Variants in ULK4 observed in about 807,000 individuals in gnomAD.
The protein encoded by ULK4 is inactive serine/threonine-protein kinase ULK4.
Under a neutral mutation model 160.6 loss-of-function variants are expected in ULK4, and 133 were observed. That is an observed-to-expected ratio of 0.83 (90% CI 0.72 to 0.96). The LOEUF is 0.96. ULK4 is among the 40% of genes least tolerant of loss of function. ULK4 has a pLI of 0.00. For synonymous variants in ULK4, 534 were observed against 539.8 expected (o/e 0.99, Z 0.15); for missense variants, 1,580 against 1,499.5 (o/e 1.05, Z -0.89).
Position 41,273,889 on chromosome 3 carries a change from C to G in ULK4, c.3679-24315G>C, listed in dbSNP as rs1310919991. On this transcript the variant is annotated intron_variant, in intron 35 of 36. Transcript: ENST00000301831. ...CTCTCTTCACATATGTCTGCTTCCT[C>G]CTTGACCTTCTATACCATGTTGTGA... is the stretch of plus-strand genomic sequence containing the variant. Among the ~76,000 whole-genome samples, 28 of 152,120 alleles carry G rather than the reference C, an allele frequency of 1.8e-4. 1 individual carries two copies. The highest frequency in any genetic ancestry group is 1.8e-3 in the Admixed American group (28 of 15,272).
rs2083073914 is a variant in ULK4 at position 41,437,984 on chromosome 3, G to T, written c.3492+17513C>A. ...CTTGGTGCTCTGGGGATGGGGAACTGGTGGGAAGAGCTGTGCCTCAACTCT... is the reference window on the plus strand; with the variant it reads ...CTTGGTGCTCTGGGGATGGGGAACTTGTGGGAAGAGCTGTGCCTCAACTCT... On this transcript the variant is annotated intron_variant, in intron 34 of 36. Coordinates refer to ENST00000301831, the MANE Select transcript of ULK4 (RefSeq NM_017886.4). 5.9e-5 allele frequency among the ~76,000 whole-genome samples: 9 copies of T among 152,122 alleles called. No homozygotes were observed. The South Asian group carries it at 1.7e-3, about 28-fold the overall frequency.
chr3:41,789,528 G>C, intron 21 of ULK4, 133 bp downstream of exon 21: 2 of 762,062 alleles, frequency 2.6e-6, no homozygotes, highest in East Asian at 6.2e-5. Context: ...GTGGTACAAA[G>C]GTTTGGCAAA....
At chr3:41,873,224 C>CTTTTTTTTTTTTTTTT (rs1173793427) in intron 17 of ULK4, among the ~76,000 whole-genome samples, 1 of 106,318 alleles carries the variant, frequency 9.4e-6, no homozygotes, top group African/African-American at 5.0e-5. Flanking sequence ...AGTTGCCTTT[C>CTTTTTTTTTTTTTTTT]TTTTTTTTTT....
chr3:41,551,107 C>CCAAAACATATGGGATACAACAT lies in ULK4; in HGVS notation c.3226+14917_3226+14918insATGTTGTATCCCATATGTTTTG, dbSNP rs1559386523. On this transcript the variant is annotated intron_variant, in intron 32 of 36. Coordinates refer to ENST00000301831, the MANE Select transcript of ULK4 (RefSeq NM_017886.4). ...AACAAATGATAATTGAAATACAACA[C>CCAAAACATATGGGATACAACAT]ACCAAAACATATGGGATACAACAAA... 2.6e-3 allele frequency among the ~76,000 whole-genome samples: 400 copies of CCAAAACATATGGGATACAACAT among 151,506 alleles called. 1 individual carries two copies. Among genetic ancestry groups the CCAAAACATATGGGATACAACAT allele is most frequent in the African/African-American group, 8.8e-3 (363 of 41,386 alleles).
chr3:41,803,798 C>T (rs1226846291), intron 19 of ULK4, among the ~76,000 whole-genome samples: 6 of 152,206 alleles, frequency 3.9e-5, no homozygotes, highest in Admixed American at 3.9e-4. Context: ...ATCCATGTCC[C>T]TACAAAGGAC....
chr3:41,897,360 G>A (rs777690702), intron 14 of ULK4, among the ~76,000 whole-genome samples: 9 of 152,066 alleles, frequency 5.9e-5, no homozygotes, highest in Non-Finnish European at 1.2e-4. Flanking sequence ...CTCAAATATT[G>A]AGAAAAGCAC....
chr3:41,638,536 C>T (rs745642934), intron 30 of ULK4, among the ~76,000 whole-genome samples: 61 of 152,258 alleles, frequency 4.0e-4, no homozygotes, highest in Non-Finnish European at 6.9e-4. Context: ...ATGTAATATG[C>T]TATGGCAAAG....
In ULK4 at chr3:41,789,707, G is replaced by T; in HGVS notation, c.2147C>A (p.Ala716Asp). 1 of 1,610,036 alleles carries T rather than the reference G, an allele frequency of 6.2e-7. No individual in the cohort carries two copies. The highest frequency in any genetic ancestry group is 8.5e-7 in the Non-Finnish European group (1 of 1,178,272). Residue 716 changes from alanine (A) to aspartate (D), a missense_variant, in exon 21 of 37, where the codon GCC becomes GAC. Transcript: ENST00000301831. ...AAGATGAATCCCACAGGACAACATG[G>T]CAGCGAATAAGGTCAACATGTACTG... ...VQQYMLTLFA[A>D]MLSCGIHLQR...
chr3:41,834,346 T>C (rs1292233306), intron 18 of ULK4, among the ~76,000 whole-genome samples: 1 of 152,140 alleles, frequency 6.6e-6, no homozygotes, highest in African/African-American at 2.4e-5. Flanking sequence ...CATAAAGATA[T>C]CAATACTTTC....
chr3:41,585,715 AAC>A (rs1553615919), intron 31 of ULK4, among the ~76,000 whole-genome samples: 1 of 152,160 alleles, frequency 6.6e-6, no homozygotes, highest in Non-Finnish European at 1.5e-5. Flanking sequence ...CCAAACAATC[AAC>A]AGAGAGAAAA....
intron 35 of ULK4, among the ~76,000 whole-genome samples, chr3:41,383,981 A>G (rs1388901294): frequency 6.6e-6 from 1 of 152,164 alleles, no homozygotes; most frequent in African/African-American, 2.4e-5. Flanking sequence ...TATAGTTTTT[A>G]CCCTTTACTT....
intron 15 of ULK4, 73 bp downstream of exon 15, chr3:41,896,749 G>A (rs1698172479): frequency 1.4e-6 from 2 of 1,458,864 alleles, no homozygotes; most frequent in Non-Finnish European, 1.8e-6. Context: ...AAATCAAATT[G>A]TTATTTTAGC....
intron 29 of ULK4, among the ~76,000 whole-genome samples, chr3:41,668,117 T>A (rs945956149): frequency 3.3e-5 from 5 of 152,158 alleles, no homozygotes; most frequent in Admixed American, 2.6e-4. Context: ...AGGAACTGTA[T>A]AATAAAGAAG....
chr3:41,953,788 C>T (rs906142837), intron 2 of ULK4, among the ~76,000 whole-genome samples: 2 of 152,112 alleles, frequency 1.3e-5, no homozygotes, highest in African/African-American at 4.8e-5. Context: ...TGGCTCCTGC[C>T]TGTAATCCCA....
intron 17 of ULK4, among the ~76,000 whole-genome samples, chr3:41,864,163 C>T (rs1575849316): frequency 7.5e-6 from 1 of 132,684 alleles, no homozygotes; most frequent in African/African-American, 3.9e-5. Context: ...GGCTGGATTA[C>T]ATGCTCTCTC....
At chr3:41,899,071 AG>A (rs1698263537) in intron 13 of ULK4, 1 of 152,492 alleles carries the variant, frequency 6.6e-6, no homozygotes, top group Non-Finnish European at 1.5e-5. Context: ...ACAGAGAGGT[AG>A]AAGGTGGGTT....
At chr3:41,825,149 CA>C (rs2041299247) in intron 18 of ULK4, among the ~76,000 whole-genome samples, 1 of 152,108 alleles carries the variant, frequency 6.6e-6, no homozygotes, top group South Asian at 2.1e-4. Flanking sequence ...ACATCCACAC[CA>C]AAACCCCATC....
intron 25 of ULK4, among the ~76,000 whole-genome samples, chr3:41,713,732 TTA>T (rs72093498): frequency 0.056 from 8,455 of 152,192 alleles, 768 homozygotes; most frequent in African/African-American, 0.19. Context: ...AGAAAAGTCT[TTA>T]TGGACACACT....
At chr3:41,257,933 A>G (rs921983117) in intron 35 of ULK4, among the ~76,000 whole-genome samples, 67 of 152,312 alleles carry the variant, frequency 4.4e-4, no homozygotes, top group African/African-American at 1.5e-3. Context: ...TGAAACAATA[A>G]GAGTTTGAAT....
Sources: allele counts gnomAD v4.1 joint callset (sites outside exome capture counted in the v4.1 genomes callset), GRCh38; gene constraint gnomAD v4.1.1; transcripts MANE v1.5; gene names NCBI Gene and HGNC (gene_info 2026-07-23, HGNC 2026-07-21).